Variants in GPC5 observed in about 807,000 individuals in gnomAD.
GPC5 encodes glypican 5.
Under a neutral mutation model 53.9 loss-of-function variants are expected in GPC5, and 47 were observed. The ratio of observed to expected loss-of-function variants is 0.87; its 90% CI spans 0.69 to 1.11. The LOEUF is 1.11. Ranked by LOEUF, GPC5 falls within the 50% of genes most tolerant of loss-of-function variation. The probability of loss-of-function intolerance (pLI) is 0.00; values close to 1 mark genes in which losing one functional copy is unlikely to be tolerated. For missense variants in GPC5, 748 were observed against 713.1 expected (o/e 1.05, Z -0.56); for synonymous variants, 286 against 263.3 (o/e 1.09, Z -0.84).
chr13:92,866,551 T>C lies in GPC5; in HGVS notation c.*112T>C, dbSNP rs1879343146. ...TGTAACAATTATATTTATGAAAAGATATGTTACACTAACTTCTCAGAAGCC... is the reference window on the plus strand; with the variant it reads ...TGTAACAATTATATTTATGAAAAGACATGTTACACTAACTTCTCAGAAGCC... On this transcript the variant is annotated 3_prime_UTR_variant, in exon 8 of 8. Coordinates refer to ENST00000377067, the MANE Select transcript of GPC5 (RefSeq NM_004466.6). 2.2e-6 allele frequency: 2 copies of C among 904,244 alleles called. No individual in the cohort carries two copies. The highest frequency in any genetic ancestry group is 2.9e-5 in the East Asian group (1 of 35,056). The allele number at this position is 904,244 out of a possible 1,614,324, so 56.0% of individuals were successfully genotyped here. A position where few individuals can be genotyped will look rare whatever the true frequency, so the allele number is the denominator to read the frequency against.
At chr13:92,625,318 C>T (rs1885012537) in intron 7 of GPC5, among the ~76,000 whole-genome samples, 1 of 152,092 alleles carries the variant, frequency 6.6e-6, no homozygotes, top group East Asian at 1.9e-4. Context: ...GTAAAATTTA[C>T]ATCAATTGGG....
intron 1 of GPC5, among the ~76,000 whole-genome samples, chr13:91,429,830 C>G (rs1410489404): frequency 6.6e-6 from 1 of 152,182 alleles, no homozygotes; most frequent in African/African-American, 2.4e-5. Flanking sequence ...AGTTTGCCTT[C>G]TCCTCTTCCA....
At chr13:92,182,547 G>A (rs1459598558) in intron 7 of GPC5, among the ~76,000 whole-genome samples, 2 of 152,118 alleles carry the variant, frequency 1.3e-5, no homozygotes, top group Non-Finnish European at 2.9e-5. Context: ...GTTCTATTTA[G>A]TAATTTTTCA....
intron 6 of GPC5, among the ~76,000 whole-genome samples, chr13:92,052,362 C>G (rs2041037164): frequency 6.6e-6 from 1 of 152,012 alleles, no homozygotes; most frequent in Non-Finnish European, 1.5e-5. Flanking sequence ...TGGCACAGAC[C>G]CAAAGAGTGA....
At chr13:91,829,065 C>A (rs150285807) in intron 5 of GPC5, among the ~76,000 whole-genome samples, 212 of 152,108 alleles carry the variant, frequency 1.4e-3, no homozygotes, top group African/African-American at 4.8e-3. Flanking sequence ...TTGTGTTCAG[C>A]ACTTTAATCA....
Position 92,422,526 on chromosome 13 carries a change from A to C in GPC5, c.1561+277537A>C, listed in dbSNP as rs891839156. 3.9e-3 allele frequency among the ~76,000 whole-genome samples: 556 copies of C among 144,018 alleles called. 9 individuals are homozygous for C. The highest frequency in any genetic ancestry group is 0.013 in the African/African-American group (508 of 37,760). The allele number at this position is 144,018 out of a possible 152,430, so 94.5% of individuals were successfully genotyped here. A position where few individuals can be genotyped will look rare whatever the true frequency, so the allele number is the denominator to read the frequency against. On this transcript the variant is annotated intron_variant, in intron 7 of 7. Coordinates refer to ENST00000377067, the MANE Select transcript of GPC5 (RefSeq NM_004466.6). Reference sequence around the variant, plus strand: ...CACACACACACACACACACACACACACACACAACTTCTTGGAAAGAAAAGT... The same window carrying C: ...CACACACACACACACACACACACACCCACACAACTTCTTGGAAAGAAAAGT...
At chr13:91,521,812 C>A (rs1347807437) in intron 2 of GPC5, among the ~76,000 whole-genome samples, 1 of 152,190 alleles carries the variant, frequency 6.6e-6, no homozygotes, top group Non-Finnish European at 1.5e-5. Flanking sequence ...CCAAGACTGC[C>A]TCCCTCGACT....
At chr13:92,142,651 C>G (rs1234178170) in intron 6 of GPC5, among the ~76,000 whole-genome samples, 2 of 152,126 alleles carry the variant, frequency 1.3e-5, no homozygotes, top group South Asian at 2.1e-4. Context: ...TTTTAAAAAT[C>G]AATTATCTTT....
intron 7 of GPC5, among the ~76,000 whole-genome samples, chr13:92,150,412 T>C (rs1409542783): frequency 6.6e-6 from 1 of 152,014 alleles, no homozygotes; most frequent in African/African-American, 2.4e-5. Context: ...AAATGAAATA[T>C]ATGTCTAAGA....
At chr13:92,710,291 C>T (rs1354373260) in intron 7 of GPC5, among the ~76,000 whole-genome samples, 1 of 151,370 alleles carries the variant, frequency 6.6e-6, no homozygotes, top group Admixed American at 6.6e-5. Context: ...CAAAAGAAGA[C>T]AAAAAATAAA....
chr13:91,877,688 G>A (rs2039219011), intron 5 of GPC5, among the ~76,000 whole-genome samples: 3 of 152,114 alleles, frequency 2.0e-5, no homozygotes, highest in African/African-American at 7.2e-5. Context: ...TGAATTTTTG[G>A]GTTAATGCTG....
chr13:92,228,478 A>T lies in GPC5; in HGVS notation c.1561+83489A>T, dbSNP rs549127732. 3.4e-3 allele frequency among the ~76,000 whole-genome samples: 515 copies of T among 152,240 alleles called. 1 individual carries two copies. Among genetic ancestry groups the T allele is most frequent in the Non-Finnish European group, 5.9e-3 (401 of 68,004 alleles). Reference sequence around the variant, plus strand: ...TAGTCTTAAGAATTTTAATAAAATTAAGAAAAAAAGTTACACGAATTATCT... The same window carrying T: ...TAGTCTTAAGAATTTTAATAAAATTTAGAAAAAAAGTTACACGAATTATCT... On this transcript the variant is annotated intron_variant, in intron 7 of 7. Coordinates refer to ENST00000377067, the MANE Select transcript of GPC5 (RefSeq NM_004466.6).
intron 6 of GPC5, among the ~76,000 whole-genome samples, chr13:92,130,160 T>G (rs2041731425): frequency 6.6e-6 from 1 of 151,930 alleles, no homozygotes; most frequent in South Asian, 2.1e-4. Context: ...AGTCTAAAAT[T>G]TAATAACCAG....
chr13:91,947,453 T>C (rs938177566), intron 6 of GPC5, among the ~76,000 whole-genome samples: 5 of 152,232 alleles, frequency 3.3e-5, no homozygotes, highest in Non-Finnish European at 5.9e-5. Flanking sequence ...TAATTAAGTT[T>C]AATTTTGGTC....
intron 7 of GPC5, among the ~76,000 whole-genome samples, chr13:92,392,628 A>C (rs775786921): frequency 2.6e-5 from 4 of 152,122 alleles, no homozygotes; most frequent in Non-Finnish European, 4.4e-5. Flanking sequence ...CCTACAGAAT[A>C]GGAGAAAATA....
intron 6 of GPC5, among the ~76,000 whole-genome samples, chr13:92,040,103 G>T (rs573229980): frequency 1.4e-4 from 21 of 152,146 alleles, no homozygotes; most frequent in Non-Finnish European, 2.5e-4. Context: ...GAGCCTCTTA[G>T]TTCCATAATA....
In GPC5 at chr13:91,422,080, G is replaced by A. The variant is rs916146851; in HGVS notation, c.163+22871G>A. The stretch of plus-strand genomic sequence containing the variant: ...CACTGGGACTCCTGAGTCTCTCAGC[G>A]CTACAGAAGCATTACAAAAAACAAA... On this transcript the variant is annotated intron_variant, in intron 1 of 7. Transcript: ENST00000377067. 5.3e-5 allele frequency among the ~76,000 whole-genome samples: 8 copies of A among 152,264 alleles called. No homozygotes were observed. In the East Asian group the frequency reaches 5.8e-4, roughly 11 times the overall value.
chr13:92,080,684 CATAGA>C (rs2041287960), intron 6 of GPC5, among the ~76,000 whole-genome samples: 1 of 152,212 alleles, frequency 6.6e-6, no homozygotes, highest in South Asian at 2.1e-4. Context: ...TCTTTCATCT[CATAGA>C]ATAATGTTCT....
At chr13:92,707,228 C>T (rs985724688) in intron 7 of GPC5, among the ~76,000 whole-genome samples, 1 of 152,304 alleles carries the variant, frequency 6.6e-6, no homozygotes, top group East Asian at 1.9e-4. Flanking sequence ...TACATTCAGT[C>T]TCCTTATTCT....
Sources: gnomAD v4.1 joint callset for allele counts (sites outside exome capture counted in the v4.1 genomes callset) on GRCh38, gnomAD v4.1.1 for gene constraint, MANE v1.5 for transcripts, NCBI Gene and HGNC (gene_info 2026-07-23, HGNC 2026-07-21) for gene names.